The following NOX4 variants were observed in gnomAD, a reference collection of about 807,000 sequenced individuals.
NOX4 encodes NADPH oxidase 4.
A neutral mutation model predicts 87.6 loss-of-function variants in NOX4; 69 were observed. The ratio of observed to expected loss-of-function variants is 0.79; its 90% CI spans 0.65 to 0.96. NOX4 has a LOEUF of 0.96. Among genes scored for constraint, NOX4 ranks in the 40% least tolerant of loss-of-function variants. The probability of loss-of-function intolerance (pLI) is 0.00; values close to 1 mark genes in which losing one functional copy is unlikely to be tolerated. For missense variants in NOX4, 680 were observed against 681.5 expected, an observed-to-expected ratio of 1.00 and a Z score of 0.02; for synonymous variants, 275 against 238.2, an observed-to-expected ratio of 1.15 and a Z score of -1.42.
intron 2 of NOX4, among the ~76,000 whole-genome samples, chr11:89,461,766 A>G (rs1431356830): frequency 6.6e-6 from 1 of 152,156 alleles, no homozygotes; most frequent in Non-Finnish European, 1.5e-5. Flanking sequence ...TATAAGTCAC[A>G]GGTCTTAAAG....
upstream of NOX4, among the ~76,000 whole-genome samples, chr11:89,496,304 T>C (rs1316468391): frequency 3.9e-5 from 6 of 152,302 alleles, no homozygotes; most frequent in East Asian, 9.6e-4. Context: ...GATACTTTGT[T>C]GGAAAATAAG....
chr11:89,413,468 T>G (rs1208492553), intron 8 of NOX4, among the ~76,000 whole-genome samples: 1 of 152,152 alleles, frequency 6.6e-6, no homozygotes, highest in Non-Finnish European at 1.5e-5. Context: ...GAAAATGTGC[T>G]ACATATAACA....
At chr11:89,354,407 G>A (rs1267167645) in intron 13 of NOX4, among the ~76,000 whole-genome samples, 2 of 152,202 alleles carry the variant, frequency 1.3e-5, no homozygotes, top group East Asian at 1.9e-4. Context: ...AAGGACATAC[G>A]CTTGGGGCAT....
chr11:89,440,627 A>T lies in NOX4; in HGVS notation c.475+61T>A. On this transcript the variant is annotated intron_variant, in intron 6 of 17. Transcript: ENST00000263317. The stretch of plus-strand genomic sequence containing the variant: ...GGCATGAGCCACTGCGCCCAGTCCG[A>T]TAATGCCTACTTTTAAAGATGTTCC... 7.3e-6 allele frequency: 9 copies of T among 1,228,088 alleles called. No homozygotes were observed. In the South Asian group the frequency reaches 1.3e-4, roughly 18 times the overall value. 76.1% of individuals were successfully genotyped at this position (1,228,088 alleles called of 1,614,324 possible).
intron 6 of NOX4, among the ~76,000 whole-genome samples, chr11:89,438,443 ATAT>A (rs1565292216): frequency 9.3e-6 from 1 of 107,292 alleles, no homozygotes; most frequent in African/African-American, 4.0e-5. Flanking sequence ...TATACTATGT[ATAT>A]TATATAATAT....
intron 2 of NOX4, among the ~76,000 whole-genome samples, chr11:89,477,952 G>A (rs1946236031): frequency 6.6e-6 from 1 of 152,074 alleles, no homozygotes; most frequent in South Asian, 2.1e-4. Flanking sequence ...CTCTAAACTA[G>A]AAGGTATTTT....
chr11:89,389,149 A>C (rs888328693), intron 11 of NOX4, among the ~76,000 whole-genome samples: 1 of 152,188 alleles, frequency 6.6e-6, no homozygotes, highest in Non-Finnish European at 1.5e-5. Flanking sequence ...TACCATGAGA[A>C]AATATAGGTG....
chr11:89,351,344 C>T (rs1470202611), intron 13 of NOX4, among the ~76,000 whole-genome samples: 2 of 152,166 alleles, frequency 1.3e-5, no homozygotes, highest in African/African-American at 4.8e-5. Context: ...GAAGCCATCT[C>T]TATAATATAA....
At chr11:89,523,936 G>A in the NOX4 span, among the ~76,000 whole-genome samples, 1 of 152,114 alleles carries the variant, frequency 6.6e-6, no homozygotes, top group African/African-American at 2.4e-5. Flanking sequence ...CTAATCCATA[G>A]CGATTTAAAA....
At chr11:89,523,433 T>C in the NOX4 span, among the ~76,000 whole-genome samples, 1 of 152,146 alleles carries the variant, frequency 6.6e-6, no homozygotes, top group Non-Finnish European at 1.5e-5. Context: ...CGTAAAGTAG[T>C]CTGAGGGTGA....
chr11:89,402,597 G>T, intron 8 of NOX4, 55 bp from the exon 9 acceptor site: 1 of 1,305,622 alleles, frequency 7.7e-7, no homozygotes, highest in South Asian at 1.2e-5. Context: ...TGAGATCAGG[G>T]GACACGGTAA....
the NOX4 span, among the ~76,000 whole-genome samples, chr11:89,512,134 G>T: frequency 6.6e-6 from 1 of 151,948 alleles, no homozygotes; most frequent in Non-Finnish European, 1.5e-5. Flanking sequence ...ATTTATTAAA[G>T]TGTTACTGAT....
At chr11:89,475,961 G>T (rs1241387066) in intron 2 of NOX4, among the ~76,000 whole-genome samples, 1 of 151,828 alleles carries the variant, frequency 6.6e-6, no homozygotes, top group Non-Finnish European at 1.5e-5. Flanking sequence ...AAACAATTTT[G>T]GAAAAAGTAT....
At chr11:89,352,976 C>T (rs915721525) in intron 13 of NOX4, among the ~76,000 whole-genome samples, 1 of 152,160 alleles carries the variant, frequency 6.6e-6, no homozygotes, top group Non-Finnish European at 1.5e-5. Flanking sequence ...TGTGCCACCA[C>T]AGCTGGCTAA....
chr11:89,484,282 G>C (rs1486578937), intron 2 of NOX4, among the ~76,000 whole-genome samples: 1 of 152,056 alleles, frequency 6.6e-6, no homozygotes, highest in African/African-American at 2.4e-5. Flanking sequence ...TTGAGCCTTA[G>C]AATTCTGAAA....
chr11:89,364,516 T>TA (rs1175249485), intron 12 of NOX4, among the ~76,000 whole-genome samples: 1 of 151,930 alleles, frequency 6.6e-6, no homozygotes, highest in Admixed American at 6.6e-5. Context: ...CAAAGCAATA[T>TA]AAAAAACAGA....
At chr11:89,330,642 A>C (rs75848216) in intron 17 of NOX4, among the ~76,000 whole-genome samples, 1 of 151,498 alleles carries the variant, frequency 6.6e-6, no homozygotes, top group Admixed American at 6.6e-5. Flanking sequence ...AAAAAAAAAA[A>C]ATACAGAGGC....
chr11:89,540,511 G>A, the NOX4 span, among the ~76,000 whole-genome samples: 3 of 151,574 alleles, frequency 2.0e-5, no homozygotes, highest in Non-Finnish European at 4.4e-5. Context: ...GCTTCGGCCG[G>A]GCACAGTGGC....
chr11:89,362,104 C>T (rs1180523962), intron 12 of NOX4, among the ~76,000 whole-genome samples: 1 of 152,000 alleles, frequency 6.6e-6, no homozygotes, highest in African/African-American at 2.4e-5. Flanking sequence ...TTCCCCCAAA[C>T]CCTCTTTGTT....
Sources: gnomAD v4.1 joint callset for allele counts (sites outside exome capture counted in the v4.1 genomes callset) on GRCh38, gnomAD v4.1.1 for gene constraint, MANE v1.5 for transcripts, NCBI Gene and HGNC (gene_info 2026-07-23, HGNC 2026-07-21) for gene names.